Variants in SH3PXD2B observed in about 807,000 individuals in gnomAD.
SH3PXD2B encodes the protein SH3 and PX domain-containing protein 2B.
SH3PXD2B carries 37 observed loss-of-function variants against 73.1 expected under a neutral mutation model. The ratio of observed to expected loss-of-function variants is 0.51; its 90% CI spans 0.39 to 0.67. The LOEUF is 0.67. Ranked by LOEUF, SH3PXD2B falls within the 30% of genes least tolerant of loss-of-function variation. The pLI is 0.00. For missense variants in SH3PXD2B, 1,053 were observed against 1,197.8 expected (o/e 0.88, Z 1.78); for synonymous variants, 457 against 480.5 (o/e 0.95, Z 0.64).
intron 1 of SH3PXD2B, among the ~76,000 whole-genome samples, chr5:172,447,839 G>T (rs1759707761): frequency 6.7e-6 from 1 of 148,312 alleles, no homozygotes; most frequent in African/African-American, 2.4e-5. Flanking sequence ...TCCCATTGAG[G>T]ATGACCGGCC....
intron 7 of SH3PXD2B, among the ~76,000 whole-genome samples, chr5:172,362,187 AAAACG>A (rs1757417784): frequency 6.8e-6 from 1 of 147,276 alleles, no homozygotes; most frequent in African/African-American, 2.5e-5. Context: ...TGTAGATAAG[AAAACG>A]AACAGTCAGA....
intron 6 of SH3PXD2B, 68 bp from the exon 7 acceptor site, chr5:172,362,937 T>C: frequency 6.2e-7 from 1 of 1,604,212 alleles, no homozygotes; most frequent in East Asian, 2.2e-5. Flanking sequence ...GTCAGAGCAG[T>C]AGGGCGGGTC....
intron 1 of SH3PXD2B, 78 bp from the exon 2 acceptor site, chr5:172,422,574 G>A (rs1301303222): frequency 1.1e-5 from 15 of 1,365,708 alleles, no homozygotes; most frequent in East Asian, 2.4e-5. Context: ...GGGAGCACAA[G>A]ACTCAGAGTC....
rs566232776 is a variant in SH3PXD2B at position 172,357,150 on chromosome 5, C to T, written c.667+1623G>A. Among the ~76,000 whole-genome samples, 36 of 140,724 alleles carry T rather than the reference C, an allele frequency of 2.6e-4. No individual in the cohort carries two copies. In the East Asian group the frequency reaches 5.5e-3, roughly 21 times the overall value. The allele number at this position is 140,724 out of a possible 152,430, so 92.3% of individuals were successfully genotyped here. On this transcript the variant is annotated intron_variant, in intron 8 of 12. Coordinates refer to ENST00000311601, the MANE Select transcript of SH3PXD2B (RefSeq NM_001017995.3). ...AAAAAAAAAAAAAAAAAGGGCCAGG[C>T]GCAGTGCTCATGCCTGTAATCCCAG...
At chr5:172,386,078 A>T (rs1261910812) in intron 4 of SH3PXD2B, among the ~76,000 whole-genome samples, 2 of 152,192 alleles carry the variant, frequency 1.3e-5, no homozygotes, top group Non-Finnish European at 2.9e-5. Flanking sequence ...GCAGAGGGTA[A>T]CAATAAAGGT....
chr5:172,438,087 C>G (rs1273091660), intron 1 of SH3PXD2B, among the ~76,000 whole-genome samples: 6 of 152,168 alleles, frequency 3.9e-5, no homozygotes, highest in African/African-American at 1.2e-4. Context: ...TGCAGTCTGC[C>G]CCTCCTCTGC....
intron 2 of SH3PXD2B, among the ~76,000 whole-genome samples, chr5:172,418,494 G>C (rs1758877760): frequency 6.6e-6 from 1 of 152,166 alleles, no homozygotes; most frequent in Non-Finnish European, 1.5e-5. Context: ...CACGCTGTTT[G>C]GGCCAAGTTA....
Position 172,350,572 on chromosome 5 carries a change from C to A in SH3PXD2B, c.803G>T (p.Gly268Val). The change falls in exon 10 of 13, where the codon GGC (glycine) becomes GTC (valine). Residue 268 changes from glycine (G) to valine (V), a missense_variant. Coordinates refer to ENST00000311601, the MANE Select transcript of SH3PXD2B (RefSeq NM_001017995.3). ...WWKIRYQGKE[G>V]WAPASYLKKN... ...CTTTAGGTAGGAGGCGGGGGCCCAG[C>A]CTTCTTTGCCCTGGTACCTGTGAAG... 6.2e-7 allele frequency: 1 copy of A among 1,609,710 alleles called. No homozygotes were observed. Among genetic ancestry groups the A allele is most frequent in the Non-Finnish European group, 8.5e-7 (1 of 1,178,122 alleles).
chr5:172,367,240 C>T (rs1027597492), intron 6 of SH3PXD2B, among the ~76,000 whole-genome samples: 1 of 145,706 alleles, frequency 6.9e-6, no homozygotes, highest in Non-Finnish European at 1.5e-5. Context: ...GCCCGGCTGC[C>T]ATCTGTTTTC....
chr5:172,360,398 CAGT>C (rs763149619), intron 7 of SH3PXD2B, among the ~76,000 whole-genome samples: 18 of 152,278 alleles, frequency 1.2e-4, no homozygotes, highest in Admixed American at 2.6e-4. Flanking sequence ...TAGAAAGCAG[CAGT>C]GCCAGGATTC....
chr5:172,432,486 C>A (rs1274553977), intron 1 of SH3PXD2B, among the ~76,000 whole-genome samples: 2 of 152,148 alleles, frequency 1.3e-5, no homozygotes. Flanking sequence ...TGGGAACGTG[C>A]ACGTTGGGTG....
At chr5:172,360,195 T>G (rs965627942) in intron 7 of SH3PXD2B, among the ~76,000 whole-genome samples, 1 of 152,288 alleles carries the variant, frequency 6.6e-6, no homozygotes, top group South Asian at 2.1e-4. Flanking sequence ...AATATTTGTA[T>G]GAAGATAAGG....
chr5:172,386,571 G>GTT (rs1344661995), intron 4 of SH3PXD2B, among the ~76,000 whole-genome samples: 1 of 130,830 alleles, frequency 7.6e-6, no homozygotes, highest in Non-Finnish European at 1.6e-5. Context: ...TTCTGTTGTT[G>GTT]TTGTTGTTTT....
At position 172,439,692 on chromosome 5, in the gene SH3PXD2B, G is replaced by GCGCACA. The variant is rs1554087696; in HGVS notation, c.75+14585_75+14586insTGTGCG. On this transcript the variant is annotated intron_variant, in intron 1 of 12. Coordinates refer to ENST00000311601, the MANE Select transcript of SH3PXD2B (RefSeq NM_001017995.3). ...TGTGCGTGCGTGCGCGCACGCGCGC[G>GCGCACA]CACACACACACACACACACACACAC... Among the ~76,000 whole-genome samples, 650 of 138,558 alleles carry GCGCACA rather than the reference G, an allele frequency of 4.7e-3. 6 individuals are homozygous for GCGCACA. Among genetic ancestry groups the GCGCACA allele is most frequent in the African/African-American group, 0.016 (553 of 35,662 alleles). 90.9% of individuals were successfully genotyped at this position (138,558 alleles called of 152,430 possible).
chr5:172,352,654 T>C (rs1420522532), intron 9 of SH3PXD2B, among the ~76,000 whole-genome samples: 2 of 152,154 alleles, frequency 1.3e-5, no homozygotes, highest in Admixed American at 6.5e-5. Flanking sequence ...GGGCCAGTCT[T>C]TCCCATGCTA....
rs889174159 is a variant in SH3PXD2B, at chr5:172,454,432, C to G, written c.-80G>C. 7.8e-6 allele frequency: 7 copies of G among 899,494 alleles called. No homozygotes were observed. Among genetic ancestry groups the G allele is most frequent in the Non-Finnish European group, 8.4e-6 (6 of 712,426 alleles). The allele number at this position is 899,494 out of a possible 1,614,324, so 55.7% of individuals were successfully genotyped here. A position where few individuals can be genotyped will look rare whatever the true frequency, so the allele number is the denominator to read the frequency against. On this transcript the variant is annotated 5_prime_UTR_variant, in exon 1 of 13. Transcript: ENST00000311601. ...AGGGAGCGCTGGGGGCGCGCCGCCGCGGGCAGGGAACCTGGAGCTGAGCGC... is the reference window on the plus strand; with the variant it reads ...AGGGAGCGCTGGGGGCGCGCCGCCGGGGGCAGGGAACCTGGAGCTGAGCGC...
Position 172,366,878 on chromosome 5 carries a change from C to T in SH3PXD2B, c.428-4009G>A, listed in dbSNP as rs532424187. Among the ~76,000 whole-genome samples the T allele has an allele frequency of 1.4e-3, 214 of 150,282 alleles. 1 individual carries two copies. Among genetic ancestry groups the T allele is most frequent in the African/African-American group, 5.0e-3 (203 of 40,816 alleles). On this transcript the variant is annotated intron_variant, in intron 6 of 12. Transcript: ENST00000311601. ...TGATCTCCTGACCTGGAGATCTGCC[C>T]GCTGTGGCCTCCCAAAGTGCTGGGA... is the stretch of plus-strand genomic sequence containing the variant.
chr5:172,339,226 G>C lies in SH3PXD2B; in HGVS notation c.1879C>G (p.Pro627Ala). The C allele has an allele frequency of 6.2e-7, 1 of 1,614,206 alleles. No individual in the cohort carries two copies. The highest frequency in any genetic ancestry group is 1.1e-5 in the South Asian group (1 of 91,086). Reference protein sequence around the residue: ...KSKTDLPEEKPDATPQNPFLK... With the variant: ...KSKTDLPEEKADATPQNPFLK... ...AAGGGATTCTGGGGAGTGGCATCTG[G>C]CTTCTCCTCTGGCAGGTCAGTTTTG... is the stretch of plus-strand genomic sequence containing the variant. Residue 627 changes from proline to alanine, a missense_variant, in exon 13 of 13, where the codon CCA (proline) becomes GCA (alanine). This residue lies in a region of SH3PXD2B where 587 missense variants were observed against 590.7 expected (regional missense o/e 0.99). Transcript: ENST00000311601. The surrounding 1 kb of genome is among the most constrained non-coding windows in gnomAD (Gnocchi z 6.1).
rs564262224 is a variant in SH3PXD2B at position 172,347,082 on chromosome 5, G to A, written c.1062+201C>T. Among the ~76,000 whole-genome samples, 137 of 152,260 alleles carry A rather than the reference G, an allele frequency of 9.0e-4. 1 individual carries two copies. Among genetic ancestry groups the A allele is most frequent in the Admixed American group, 4.6e-4 (7 of 15,302 alleles). On this transcript the variant is annotated intron_variant, in intron 11 of 12. Transcript: ENST00000311601. ...TGTCACAGGAGCACTCTGGCCCCGC[G>A]GGCAAACTGTTTCACCTGCCTGCAC...
Sources: allele counts gnomAD v4.1 joint callset (sites outside exome capture counted in the v4.1 genomes callset), GRCh38; gene constraint gnomAD v4.1.1; regional missense constraint gnomAD v4.1.1; non-coding constraint Gnocchi (gnomAD v3.1); transcripts MANE v1.5; gene names NCBI Gene and HGNC (gene_info 2026-07-23, HGNC 2026-07-21).